The following RIMS2 variants were observed in gnomAD, a reference collection of about 807,000 sequenced individuals.
RIMS2 encodes regulating synaptic membrane exocytosis 2, also known as regulating synaptic membrane exocytosis protein 2.
Under a neutral mutation model 174.4 loss-of-function variants are expected in RIMS2, and 59 were observed. The observed-to-expected ratio is 0.34, with a 90% confidence interval of 0.27 to 0.42. The LOEUF (loss-of-function observed/expected upper bound fraction) is 0.42, where lower values mean the gene tolerates loss of function less well. Ranked by LOEUF, RIMS2 falls within the 10% of genes least tolerant of loss-of-function variation. The pLI, the probability that RIMS2 is intolerant of heterozygous loss-of-function variation, is 1.00. For synonymous variants in RIMS2, 606 were observed against 572.5 expected (o/e 1.06, Z -0.84); for missense variants, 1,620 against 1,666.3 (o/e 0.97, Z 0.48).
chr8:104,222,239 A>AT (rs558875262), intron 19 of RIMS2, among the ~76,000 whole-genome samples: 2,955 of 152,036 alleles, frequency 0.019, 40 homozygotes, highest in Middle Eastern at 0.031. Context: ...GAGAGCAGGG[A>AT]TTTTTTTTAG....
intron 15 of RIMS2, among the ~76,000 whole-genome samples, chr8:103,973,254 GA>G (rs1289251674): frequency 1.3e-5 from 2 of 152,128 alleles, no homozygotes; most frequent in African/African-American, 4.8e-5. Flanking sequence ...ACTTAATTTA[GA>G]TTTTTTTTAC....
chr8:103,603,598 G>C (rs2094879135), intron 1 of RIMS2, among the ~76,000 whole-genome samples: 2 of 151,838 alleles, frequency 1.3e-5, no homozygotes, highest in East Asian at 1.9e-4. Flanking sequence ...GGTTGAACTA[G>C]TTTACAGTCC....
chr8:104,108,521 A>G (rs1180239034), intron 19 of RIMS2, among the ~76,000 whole-genome samples: 1 of 151,486 alleles, frequency 6.6e-6, no homozygotes, highest in Non-Finnish European at 1.5e-5. Context: ...CTGGTCTCAA[A>G]CTCCTGTCCT....
chr8:103,680,050 A>C (rs1351233980), intron 1 of RIMS2, among the ~76,000 whole-genome samples: 1 of 152,108 alleles, frequency 6.6e-6, no homozygotes, highest in African/African-American at 2.4e-5. Flanking sequence ...TGCTTTACAG[A>C]AAAAGTTTGT....
chr8:104,008,579 G>A (rs898515840), intron 17 of RIMS2, among the ~76,000 whole-genome samples: 13 of 151,512 alleles, frequency 8.6e-5, no homozygotes, highest in Admixed American at 1.3e-4. Context: ...AAATTGGGAC[G>A]TTTGGTCATT....
At chr8:103,777,018 A>G (rs539903475) in intron 3 of RIMS2, among the ~76,000 whole-genome samples, 10 of 152,224 alleles carry the variant, frequency 6.6e-5, no homozygotes, top group Non-Finnish European at 1.3e-4. Flanking sequence ...ATGCTTTTCA[A>G]CACTAAGACA....
intron 3 of RIMS2, among the ~76,000 whole-genome samples, chr8:103,869,212 T>TA (rs1272995956): frequency 5.3e-5 from 8 of 150,370 alleles, no homozygotes; most frequent in African/African-American, 2.0e-4. Flanking sequence ...TTTTTTTTTT[T>TA]AAGACGGAAT....
intron 1 of RIMS2, among the ~76,000 whole-genome samples, chr8:103,522,530 A>T (rs774214931): frequency 6.6e-6 from 1 of 152,112 alleles, no homozygotes; most frequent in Non-Finnish European, 1.5e-5. Flanking sequence ...GCCTGGGCCA[A>T]GGTAAAGTAG....
intron 1 of RIMS2, among the ~76,000 whole-genome samples, chr8:103,595,384 A>G (rs966949622): frequency 6.6e-6 from 1 of 151,922 alleles, no homozygotes; most frequent in African/African-American, 2.4e-5. Context: ...TTCCAGAAAT[A>G]CAGTGTCTTG....
At chr8:103,760,426 A>G (rs1486449024) in intron 2 of RIMS2, among the ~76,000 whole-genome samples, 2 of 152,250 alleles carry the variant, frequency 1.3e-5, no homozygotes, top group African/African-American at 4.8e-5. Context: ...AAGGAATCCT[A>G]TTAGAAAATG....
intron 1 of RIMS2, among the ~76,000 whole-genome samples, chr8:103,577,653 G>A (rs544020025): frequency 5.9e-5 from 9 of 152,250 alleles, no homozygotes; most frequent in Admixed American, 2.6e-4. Context: ...GTGTGATCTA[G>A]CTATTTCATT....
chr8:103,798,913 A>G (rs1368512055), intron 3 of RIMS2, among the ~76,000 whole-genome samples: 4 of 150,800 alleles, frequency 2.7e-5, no homozygotes, highest in African/African-American at 9.9e-5. Context: ...AAAGGTAGAA[A>G]ACTTTTTTTT....
chr8:104,219,245 G>T (rs1325014566), intron 19 of RIMS2, among the ~76,000 whole-genome samples: 4 of 152,018 alleles, frequency 2.6e-5, no homozygotes, highest in African/African-American at 9.7e-5. Context: ...ATTTATTTTG[G>T]ACAAAGTAAC....
chr8:103,586,594 C>T (rs2093933904), intron 1 of RIMS2, among the ~76,000 whole-genome samples: 2 of 151,988 alleles, frequency 1.3e-5, no homozygotes, highest in African/African-American at 4.8e-5. Flanking sequence ...AATGCAGCAA[C>T]AGCAGTGCTA....
intron 2 of RIMS2, among the ~76,000 whole-genome samples, chr8:103,737,843 A>T (rs2097706823): frequency 6.6e-6 from 1 of 152,192 alleles, no homozygotes; most frequent in African/African-American, 2.4e-5. Flanking sequence ...ATCATTTTAC[A>T]GGGCTCTTCT....
In RIMS2 at chr8:103,608,966, C is replaced by G. The variant is rs192586289; in HGVS notation, c.177-88120C>G. 1.3e-3 allele frequency among the ~76,000 whole-genome samples: 203 copies of G among 152,354 alleles called. 1 individual carries two copies. The highest frequency in any genetic ancestry group is 4.6e-3 in the African/African-American group (190 of 41,592). On this transcript the variant is annotated intron_variant, in intron 1 of 23. Transcript: ENST00000504942. ...TCACCCTTCTTCTGCGTTGCTCACGCTGGGAGCTGTAGACCGGAGCTGTTC... is the reference window on the plus strand; with the variant it reads ...TCACCCTTCTTCTGCGTTGCTCACGGTGGGAGCTGTAGACCGGAGCTGTTC...
chr8:104,017,905 A>C (rs1045066644), intron 19 of RIMS2, among the ~76,000 whole-genome samples: 2 of 151,906 alleles, frequency 1.3e-5, no homozygotes, highest in African/African-American at 4.8e-5. Flanking sequence ...GTGAAACCCC[A>C]TCGCTATAAA....
At chr8:104,208,383 C>T (rs535243258) in intron 19 of RIMS2, among the ~76,000 whole-genome samples, 1 of 151,986 alleles carries the variant, frequency 6.6e-6, no homozygotes, top group African/African-American at 2.4e-5. Context: ...GCCTGGCCAA[C>T]AAGGTGAAAC....
intron 13 of RIMS2, among the ~76,000 whole-genome samples, chr8:103,941,812 T>C (rs1274031446): frequency 2.0e-5 from 3 of 152,186 alleles, no homozygotes; most frequent in Non-Finnish European, 2.9e-5. Context: ...GCTGATTCAG[T>C]TTACACCTCT....
Sources: gnomAD v4.1 joint callset for allele counts (sites outside exome capture counted in the v4.1 genomes callset) on GRCh38, gnomAD v4.1.1 for gene constraint, MANE v1.5 for transcripts, NCBI Gene and HGNC (gene_info 2026-07-23, HGNC 2026-07-21) for gene names.